Variants in ZNF208 observed in about 807,000 individuals in gnomAD.
ZNF208 encodes the protein zinc finger protein 95.
A neutral mutation model predicts 12.1 loss-of-function variants in ZNF208; 10 were observed. The observed-to-expected ratio is 0.83, with a 90% confidence interval of 0.51 to 1.40. ZNF208 has a LOEUF of 1.40. Among genes scored for constraint, ZNF208 ranks in the 40% most tolerant of loss-of-function variants. The pLI is 0.00. For synonymous variants in ZNF208, 497 were observed against 488.4 expected, an observed-to-expected ratio of 1.02 and a Z score of -0.23; for missense variants, 1,652 against 1,485.0, an observed-to-expected ratio of 1.11 and a Z score of -1.85.
At chr19:21,979,801 G>C (rs540396911) in intron 3 of ZNF208, among the ~76,000 whole-genome samples, 1 of 152,176 alleles carries the variant, frequency 6.6e-6, no homozygotes, top group South Asian at 2.1e-4. Context: ...GAACAGTCAA[G>C]ATCCATCAAA....
At chr19:21,963,884 G>A (rs1202167920), downstream of ZNF208, among the ~76,000 whole-genome samples, 1 of 151,906 alleles carries the variant, frequency 6.6e-6, no homozygotes, top group Non-Finnish European at 1.5e-5. Context: ...CTGACAAAGA[G>A]TAAAAAATTT....
intron 4 of ZNF208, among the ~76,000 whole-genome samples, chr19:21,945,732 T>C (rs530413657): frequency 6.6e-6 from 1 of 152,314 alleles, no homozygotes; most frequent in South Asian, 2.1e-4. Context: ...AAATTTGGCT[T>C]TCCAAGCTAA....
chr19:21,973,014 A>G lies in ZNF208; in HGVS notation c.2020T>C (p.Phe674Leu). 1 of 1,613,490 alleles carries G rather than the reference A, an allele frequency of 6.2e-7. No homozygotes were observed. The highest frequency in any genetic ancestry group is 1.7e-4 in the Middle Eastern group (1 of 6,056). Residue 674 changes from phenylalanine to leucine, a missense_variant, in exon 4 of 4, where the codon TTT becomes CTT. By Grantham distance (22) the Phe-to-Leu change is conservative. Around this residue, in one of 3 missense-constraint regions of ZNF208, gnomAD observed 1,239 missense variants for 1,086.2 expected, o/e 1.14. Transcript: ENST00000397126. The stretch of plus-strand genomic sequence containing the variant: ...TTAGTAAGGATTGAGAACTTACTAA[A>G]GGCTTTGCCACATTCTTTACATTTG... ...PYKCKECGKA[F>L]SKFSILTKHK...
chr19:21,959,845 A>G (rs1483166090), intron 4 of ZNF208, among the ~76,000 whole-genome samples: 2 of 152,200 alleles, frequency 1.3e-5, no homozygotes, highest in East Asian at 3.8e-4. Flanking sequence ...GAAGTATTTG[A>G]GAGATGTTCT....
downstream of ZNF208, among the ~76,000 whole-genome samples, chr19:21,965,485 T>G (rs1289618978): frequency 2.0e-5 from 3 of 152,066 alleles, no homozygotes; most frequent in Non-Finnish European, 4.4e-5. Flanking sequence ...CACTTGAAAT[T>G]CATGGCATCT....
At chr19:21,986,480 A>G (rs1970630293) in intron 3 of ZNF208, among the ~76,000 whole-genome samples, 2 of 152,114 alleles carry the variant, frequency 1.3e-5, no homozygotes, top group Non-Finnish European at 2.9e-5. Context: ...CAAGTGCAAG[A>G]TTTATCAATG....
chr19:21,956,369 A>C (rs1969977191), intron 4 of ZNF208, among the ~76,000 whole-genome samples: 1 of 152,226 alleles, frequency 6.6e-6, no homozygotes, highest in Admixed American at 6.5e-5. Flanking sequence ...CAAAGCTGTC[A>C]GACAGGGACA....
intron 4 of ZNF208, chr19:21,941,637 T>C: frequency 2.7e-6 from 1 of 371,494 alleles, no homozygotes; most frequent in Non-Finnish European, 4.8e-6. Context: ...GCTTATGAAG[T>C]TTTTGATAGT....
chr19:21,997,191 A>G (rs1326910570), intron 1 of ZNF208, among the ~76,000 whole-genome samples: 2 of 152,226 alleles, frequency 1.3e-5, no homozygotes, highest in Admixed American at 1.3e-4. Flanking sequence ...TGCTCAAGAG[A>G]TTGCAAAGAC....
chr19:21,960,478 TA>T (rs1970045972), intron 4 of ZNF208, among the ~76,000 whole-genome samples: 1 of 152,174 alleles, frequency 6.6e-6, no homozygotes, highest in Non-Finnish European at 1.5e-5. Flanking sequence ...ACATGAATTT[TA>T]AAAAGTGGTA....
intron 1 of ZNF208, among the ~76,000 whole-genome samples, chr19:22,000,283 C>T (rs1185568101): frequency 6.6e-6 from 1 of 152,156 alleles, no homozygotes; most frequent in Non-Finnish European, 1.5e-5. Context: ...GTGGCACATA[C>T]TCTAAAATTG....
In ZNF208 at chr19:21,972,117, A is replaced by G. The variant is rs1234945805; in HGVS notation, c.2917T>C (p.Tyr973His). The G allele has an allele frequency of 1.2e-6, 2 of 1,609,792 alleles. 1 individual carries two copies. Among genetic ancestry groups the G allele is most frequent in the South Asian group, 2.2e-5 (2 of 90,876 alleles). Residue 973 changes from tyrosine (Y) to histidine (H), a missense_variant, in exon 4 of 4, where the codon TAC becomes CAC. Physicochemically the swap from Tyr to His is moderately conservative, Grantham distance 83 (BLOSUM62 2). Coordinates refer to ENST00000397126, the MANE Select transcript of ZNF208 (RefSeq NM_007153.3). ...CCTTTGCCACATTCTTCATATTTGT[A>G]AGGTTTCTCTTCAGTATGAATTTTC... is the stretch of plus-strand genomic sequence containing the variant. ...HKKIHTEEKP[Y>H]KYEECGKGFS...
At chr19:21,953,629 C>T (rs926762236) in intron 4 of ZNF208, among the ~76,000 whole-genome samples, 1 of 152,132 alleles carries the variant, frequency 6.6e-6, no homozygotes. Flanking sequence ...TTGTCACCAC[C>T]AGGCCTGCCT....
intron 1 of ZNF208, chr19:22,009,678 C>A (rs1971106602): frequency 6.8e-6 from 1 of 146,828 alleles, no homozygotes; most frequent in Non-Finnish European, 1.5e-5. Flanking sequence ...ACCTGGGAGG[C>A]GGAGATTGCA....
intron 3 of ZNF208, 61 bp downstream of exon 3, chr19:21,987,155 A>G: frequency 1.1e-5 from 17 of 1,531,756 alleles, no homozygotes; most frequent in Non-Finnish European, 1.5e-5. Context: ...CACTTTAAGG[A>G]CTGGCTTCCT....
chr19:21,992,957 CCTT>C (rs1269657123), intron 1 of ZNF208, among the ~76,000 whole-genome samples: 1 of 151,924 alleles, frequency 6.6e-6, no homozygotes, highest in African/African-American at 2.4e-5. Context: ...ATTTTTTTCT[CCTT>C]CTCCTCCTTC....
chr19:21,953,752 T>C (rs1326750082), intron 4 of ZNF208, among the ~76,000 whole-genome samples: 1 of 151,884 alleles, frequency 6.6e-6, no homozygotes, highest in Admixed American at 6.6e-5. Context: ...CCATCAATTA[T>C]CAGGCAATTT....
chr19:21,992,019 T>C (rs1245543503), intron 1 of ZNF208, among the ~76,000 whole-genome samples: 4 of 152,170 alleles, frequency 2.6e-5, no homozygotes, highest in African/African-American at 9.7e-5. Context: ...GAGCCTGTGT[T>C]TTTCTCAGTT....
intron 2 of ZNF208, 50 bp downstream of exon 2, chr19:21,988,733 A>T (rs751647838): frequency 1.1e-5 from 17 of 1,611,308 alleles, no homozygotes; most frequent in Non-Finnish European, 1.2e-5. Flanking sequence ...TCTGCAGCAA[A>T]ATGAAACCTG....
Sources: allele counts gnomAD v4.1 joint callset (sites outside exome capture counted in the v4.1 genomes callset), GRCh38; gene constraint gnomAD v4.1.1; regional missense constraint gnomAD v4.1.1; transcripts MANE v1.5; gene names NCBI Gene and HGNC (gene_info 2026-07-23, HGNC 2026-07-21).